Variants in RIN3 observed in about 807,000 individuals in gnomAD.
RIN3 encodes the protein RAB5 interacting protein 3.
A neutral mutation model predicts 76.3 loss-of-function variants in RIN3; 54 were observed. That is an observed-to-expected ratio of 0.71 (90% CI 0.57 to 0.89). RIN3 has a LOEUF of 0.89. Ranked by LOEUF, RIN3 falls within the 40% of genes least tolerant of loss-of-function variation. RIN3 has a pLI of 0.00. For missense variants in RIN3, 1,256 were observed against 1,322.1 expected, an observed-to-expected ratio of 0.95 and a Z score of 0.78; for synonymous variants, 576 against 564.0, an observed-to-expected ratio of 1.02 and a Z score of -0.30.
chr14:92,612,045 G>A (rs982117721), intron 3 of RIN3, among the ~76,000 whole-genome samples: 2 of 152,248 alleles, frequency 1.3e-5, no homozygotes, highest in East Asian at 1.9e-4. Flanking sequence ...GAACAGCACC[G>A]AGGGGATGGT....
At chr14:92,582,873 G>A (rs1418096204) in intron 3 of RIN3, among the ~76,000 whole-genome samples, 1 of 152,180 alleles carries the variant, frequency 6.6e-6, no homozygotes, top group Non-Finnish European at 1.5e-5. Context: ...CCGAGTTAAT[G>A]TGCCGCTCCT....
chr14:92,578,086 A>G (rs1407039413), intron 3 of RIN3, among the ~76,000 whole-genome samples: 1 of 151,974 alleles, frequency 6.6e-6, no homozygotes, highest in Non-Finnish European at 1.5e-5. Flanking sequence ...CAAAAAATAA[A>G]TAAGCCAGGT....
At chr14:92,526,525 C>T (rs561114869) in intron 1 of RIN3, among the ~76,000 whole-genome samples, 9 of 151,846 alleles carry the variant, frequency 5.9e-5, no homozygotes, top group South Asian at 2.1e-4. Context: ...GAGGCCAAGA[C>T]GGATGGATCT....
At chr14:92,527,726 C>T (rs1192609914) in intron 1 of RIN3, among the ~76,000 whole-genome samples, 4 of 152,126 alleles carry the variant, frequency 2.6e-5, no homozygotes, top group African/African-American at 7.2e-5. Context: ...TCTGCCGTTT[C>T]GAGAACGTCC....
chr14:92,653,380 G>A (rs61992600), intron 6 of RIN3, among the ~76,000 whole-genome samples: 21,991 of 152,142 alleles, frequency 0.14, 1,951 homozygotes, highest in East Asian at 0.27. Flanking sequence ...TGGCCCCTTC[G>A]CCTCAAGCAG....
chr14:92,628,218 AG>A (rs1886426996), intron 4 of RIN3, among the ~76,000 whole-genome samples: 1 of 152,342 alleles, frequency 6.6e-6, no homozygotes, highest in African/African-American at 2.4e-5. Context: ...CCCTTTGAAG[AG>A]GAACTATTTG....
chr14:92,545,974 G>A (rs955192785), intron 1 of RIN3, among the ~76,000 whole-genome samples: 4 of 151,242 alleles, frequency 2.6e-5, no homozygotes, highest in Non-Finnish European at 4.4e-5. Flanking sequence ...CCCCCAGGCC[G>A]GAGTGCAGTG....
At chr14:92,521,362 A>G (rs1283700220) in intron 1 of RIN3, among the ~76,000 whole-genome samples, 5 of 152,134 alleles carry the variant, frequency 3.3e-5, no homozygotes, top group Non-Finnish European at 5.9e-5. Flanking sequence ...TACTAAGGAA[A>G]ATGATTTGAT....
chr14:92,662,627 T>G (rs1457244579), intron 7 of RIN3, among the ~76,000 whole-genome samples: 1 of 152,192 alleles, frequency 6.6e-6, no homozygotes, highest in Non-Finnish European at 1.5e-5. Flanking sequence ...GAATTTCTAA[T>G]TAGGGAAATC....
intron 7 of RIN3, among the ~76,000 whole-genome samples, chr14:92,664,572 G>T (rs538423867): frequency 6.6e-6 from 1 of 151,354 alleles, no homozygotes; most frequent in Non-Finnish European, 1.5e-5. Flanking sequence ...GGGTTTCACC[G>T]TGTTGCCCAG....
chr14:92,555,801 T>C lies in RIN3; in HGVS notation c.95T>C (p.Met32Thr). 1.2e-6 allele frequency: 2 copies of C among 1,614,164 alleles called. No homozygotes were observed. Among genetic ancestry groups the C allele is most frequent in the Non-Finnish European group, 1.7e-6 (2 of 1,180,042 alleles). ...GAGGAAGAGGAAGAGGAAGATGGCA[T>C]GCGGCTTTGTCTGCCAGCCAACCCG... Reference protein sequence around the residue: ...KGEEEEEEDGMRLCLPANPKN... With the variant: ...KGEEEEEEDGTRLCLPANPKN... The change falls in exon 2 of 10, where the codon ATG becomes ACG. Residue 32 changes from methionine to threonine, a missense_variant. Around this residue, in one of 3 missense-constraint regions of RIN3, gnomAD observed 610 missense variants for 626.4 expected, o/e 0.97. Transcript: ENST00000216487.
intron 3 of RIN3, among the ~76,000 whole-genome samples, chr14:92,607,267 G>C (rs1885559036): frequency 6.6e-6 from 1 of 152,240 alleles, no homozygotes; most frequent in African/African-American, 2.4e-5. Flanking sequence ...AGGCTGGTGA[G>C]GATGGGAAGA....
At chr14:92,557,886 G>A (rs940385650) in intron 2 of RIN3, among the ~76,000 whole-genome samples, 3 of 152,234 alleles carry the variant, frequency 2.0e-5, no homozygotes, top group African/African-American at 7.2e-5. Context: ...GCCAGGGGAT[G>A]GCCATGTTCT....
chr14:92,570,772 A>G (rs1237069236), intron 2 of RIN3, among the ~76,000 whole-genome samples: 1 of 152,200 alleles, frequency 6.6e-6, no homozygotes. Context: ...GAACAAGGCC[A>G]GCATTGAAGG....
chr14:92,537,888 G>A (rs574310381), intron 1 of RIN3, among the ~76,000 whole-genome samples: 1 of 151,480 alleles, frequency 6.6e-6, no homozygotes, highest in South Asian at 2.1e-4. Flanking sequence ...CCAGGCTGGA[G>A]CACAGTGGTG....
Position 92,651,911 on chromosome 14 carries a change from C to T in RIN3, c.862C>T (p.Pro288Ser). The change falls in exon 6 of 10, where the codon CCC becomes TCC. Residue 288 changes from proline (P) to serine (S), a missense_variant. Pro to Ser is a moderately conservative substitution (Grantham distance 74). Around this residue, in one of 3 missense-constraint regions of RIN3, gnomAD observed 610 missense variants for 626.4 expected, o/e 0.97. Coordinates refer to ENST00000216487, the MANE Select transcript of RIN3 (RefSeq NM_024832.5). ...RRPPPPPPVLPLQPCSPAQPP... is the reference protein window; with the variant it reads ...RRPPPPPPVLSLQPCSPAQPP... ...CCCACCACCCCCTCCCCCAGTGCTG[C>T]CCCTGCAGCCCTGCAGCCCAGCCCA... 7.5e-7 allele frequency: 1 copy of T among 1,333,588 alleles called. No homozygotes were observed. 82.6% of individuals were successfully genotyped at this position (1,333,588 alleles called of 1,614,324 possible).
chr14:92,641,184 T>C, intron 4 of RIN3, 54 bp from the exon 5 acceptor site: 1 of 1,365,210 alleles, frequency 7.3e-7, no homozygotes. Flanking sequence ...TTGTGGAGGC[T>C]GGGAATGGAC....
chr14:92,559,689 A>G (rs533153323), intron 2 of RIN3, among the ~76,000 whole-genome samples: 8 of 152,352 alleles, frequency 5.3e-5, no homozygotes, highest in Non-Finnish European at 1.2e-4. Context: ...TGGAGGAGGC[A>G]GACACCAAGC....
intron 7 of RIN3, among the ~76,000 whole-genome samples, chr14:92,661,494 G>A (rs1887877544): frequency 6.6e-6 from 1 of 152,168 alleles, no homozygotes; most frequent in Admixed American, 6.5e-5. Flanking sequence ...GGGAGGCTGA[G>A]GTGGGCGGAT....
Sources: allele counts gnomAD v4.1 joint callset (sites outside exome capture counted in the v4.1 genomes callset), GRCh38; gene constraint gnomAD v4.1.1; regional missense constraint gnomAD v4.1.1; transcripts MANE v1.5; gene names NCBI Gene and HGNC (gene_info 2026-07-23, HGNC 2026-07-21).